The following LRBA variants were observed in gnomAD, a reference collection of about 807,000 sequenced individuals.
The protein encoded by LRBA is LPS responsive beige-like anchor protein, also known as lipopolysaccharide-responsive and beige-like anchor protein.
A neutral mutation model predicts 330.0 loss-of-function variants in LRBA; 176 were observed. The observed-to-expected ratio is 0.53, with a 90% confidence interval of 0.47 to 0.60. The LOEUF (loss-of-function observed/expected upper bound fraction) is 0.60, where lower values mean the gene tolerates loss of function less well. LRBA is among the 20% of genes least tolerant of loss of function. LRBA has a pLI of 0.00. For synonymous variants in LRBA, 1,230 were observed against 1,193.0 expected (o/e 1.03, Z -0.64); for missense variants, 3,259 against 3,444.8 (o/e 0.95, Z 1.35).
intron 40 of LRBA, among the ~76,000 whole-genome samples, chr4:150,506,486 A>T (rs1487991651): frequency 6.6e-6 from 1 of 152,250 alleles, no homozygotes; most frequent in Non-Finnish European, 1.5e-5. Context: ...CCACATGATT[A>T]TCTCAATAGA....
At chr4:150,669,892 A>G (rs1489884249) in intron 37 of LRBA, among the ~76,000 whole-genome samples, 1 of 152,076 alleles carries the variant, frequency 6.6e-6, no homozygotes, top group African/African-American at 2.4e-5. Flanking sequence ...TAAATGGAAG[A>G]TTTGTATTTT....
chr4:150,323,025 G>GTGTGTGTGTGTGTGTGTGTGTGTGTGTT (rs373782725), intron 49 of LRBA, among the ~76,000 whole-genome samples: 14 of 142,542 alleles, frequency 9.8e-5, no homozygotes, highest in African/African-American at 1.6e-4. Flanking sequence ...GTGTGTGTGT[G>GTGTGTGTGTGTGTGTGTGTGTGTGTGTT]GGGATGCATT....
chr4:150,751,184 T>C (rs1733484374), intron 35 of LRBA, among the ~76,000 whole-genome samples: 1 of 152,140 alleles, frequency 6.6e-6, no homozygotes, highest in Non-Finnish European at 1.5e-5. Context: ...CATCTAACCT[T>C]ACTTATTTAA....
chr4:150,405,400 C>A (rs183816467), intron 47 of LRBA, among the ~76,000 whole-genome samples: 109 of 152,234 alleles, frequency 7.2e-4, no homozygotes, highest in Non-Finnish European at 1.3e-3. Flanking sequence ...ATGGTGAAAA[C>A]CACTGGTATT....
chr4:150,935,870 T>C (rs1255481046), intron 2 of LRBA, among the ~76,000 whole-genome samples: 2 of 151,846 alleles, frequency 1.3e-5, no homozygotes, highest in African/African-American at 4.8e-5. Context: ...TCTTACAAAA[T>C]ATGCCAAAAT....
At chr4:150,539,897 T>C (rs1581620309) in intron 40 of LRBA, among the ~76,000 whole-genome samples, 1 of 152,246 alleles carries the variant, frequency 6.6e-6, no homozygotes, top group Admixed American at 6.5e-5. Flanking sequence ...GAGTATCAGT[T>C]CGTTAAACAT....
chr4:150,297,346 G>T (rs151027077), intron 53 of LRBA, among the ~76,000 whole-genome samples: 1 of 152,166 alleles, frequency 6.6e-6, no homozygotes, highest in Non-Finnish European at 1.5e-5. Context: ...ATACAGAGTT[G>T]TTTTGCTGGA....
intron 36 of LRBA, among the ~76,000 whole-genome samples, chr4:150,701,336 A>G (rs1785100971): frequency 6.6e-6 from 1 of 152,180 alleles, no homozygotes; most frequent in Admixed American, 6.5e-5. Flanking sequence ...ATACACTCTA[A>G]AATAACAAGC....
rs1241228593 is a variant in LRBA, at chr4:150,582,930, C to A, written c.6330+5118G>T. The A allele has an allele frequency of 4.3e-6, 6 of 1,397,322 alleles. No individual in the cohort carries two copies. In the Admixed American group the frequency reaches 6.9e-5, roughly 16 times the overall value. The allele number at this position is 1,397,322 out of a possible 1,614,324, so 86.6% of individuals were successfully genotyped here. ...AAGTAGGGCTTAACGGGGAGCGCACCGCCTCTTTCGAAAGCCGCTGGGCCA... is the reference window on the plus strand; with the variant it reads ...AAGTAGGGCTTAACGGGGAGCGCACAGCCTCTTTCGAAAGCCGCTGGGCCA... On this transcript the variant is annotated intron_variant, in intron 40 of 56. Coordinates refer to ENST00000651943, the MANE Select transcript of LRBA (RefSeq NM_001364905.1).
intron 2 of LRBA, among the ~76,000 whole-genome samples, chr4:151,000,548 G>A (rs1047918721): frequency 2.0e-5 from 3 of 152,174 alleles, no homozygotes; most frequent in Non-Finnish European, 4.4e-5. Flanking sequence ...CGTGGAGAGG[G>A]TAGTCACTTA....
rs779813038 is a variant in LRBA, at chr4:150,844,100, T to C, written c.4569A>G (p.Ile1523Met). ...ATGTGAAAGACATATTGTAACTTAC[T>C]ATGTCTCTGAAAACAACTGCCCTAA... ...NRLRAVVFRD[I>M]EDSKQAQFLA... Residue 1523 changes from isoleucine (I) to methionine (M), a missense_variant and splice_region_variant, in exon 28 of 57, where the codon ATA becomes ATG. Ile to Met is a conservative substitution (Grantham distance 10). Coordinates refer to ENST00000651943, the MANE Select transcript of LRBA (RefSeq NM_001364905.1). 3 of 1,578,696 alleles carry C rather than the reference T, an allele frequency of 1.9e-6. No homozygotes were observed. Among genetic ancestry groups the C allele is most frequent in the Non-Finnish European group, 2.6e-6 (3 of 1,149,440 alleles).
chr4:150,724,984 T>A (rs1432241375), intron 36 of LRBA, among the ~76,000 whole-genome samples: 1 of 149,390 alleles, frequency 6.7e-6, no homozygotes, highest in Non-Finnish European at 1.5e-5. Flanking sequence ...TGCATCAGAG[T>A]CATCAGAGTC....
intron 2 of LRBA, among the ~76,000 whole-genome samples, chr4:150,938,035 T>C (rs913645760): frequency 1.1e-4 from 17 of 150,246 alleles, no homozygotes; most frequent in Non-Finnish European, 3.0e-5. Context: ...GGAAACTTGC[T>C]AAATTTTTCC....
intron 34 of LRBA, among the ~76,000 whole-genome samples, chr4:150,794,947 C>T (rs561120603): frequency 1.3e-5 from 2 of 152,044 alleles, no homozygotes; most frequent in African/African-American, 2.4e-5. Flanking sequence ...GTTGAGTATC[C>T]GAAGGAATGA....
intron 37 of LRBA, among the ~76,000 whole-genome samples, chr4:150,673,073 A>T (rs571675001): frequency 5.3e-5 from 8 of 152,290 alleles, no homozygotes; most frequent in Non-Finnish European, 1.2e-4. Context: ...AACCAGTTGT[A>T]TACTCTTAAG....
In LRBA at chr4:150,310,351, G is replaced by A. The variant is rs1324307183; in HGVS notation, c.7727C>T (p.Thr2576Ile). The change falls in exon 52 of 57, where the codon ACT (threonine) becomes ATT (isoleucine). Residue 2576 changes from threonine (T) to isoleucine (I), a missense_variant. Thr to Ile is a moderately conservative substitution (Grantham distance 89). Coordinates refer to ENST00000651943, the MANE Select transcript of LRBA (RefSeq NM_001364905.1). ...SNTGMHRRQI[T>I]DLLDQSIQVH... ...TTGAATACTTTGGTCTAAAAGGTCAGTGATTTGCCTCCTGTGCATTCCTGT... is the reference window on the plus strand; with the variant it reads ...TTGAATACTTTGGTCTAAAAGGTCAATGATTTGCCTCCTGTGCATTCCTGT... 1.9e-6 allele frequency: 3 copies of A among 1,613,342 alleles called. No individual in the cohort carries two copies. Among genetic ancestry groups the A allele is most frequent in the African/African-American group, 2.7e-5 (2 of 74,904 alleles).
chr4:150,388,667 C>A (rs1186899700), intron 47 of LRBA, among the ~76,000 whole-genome samples: 1 of 152,086 alleles, frequency 6.6e-6, no homozygotes, highest in Admixed American at 6.5e-5. Context: ...CTGTTGGGAG[C>A]ATTAAGTGAG....
chr4:150,450,570 C>T (rs1443178002), intron 44 of LRBA, among the ~76,000 whole-genome samples: 1 of 152,110 alleles, frequency 6.6e-6, no homozygotes, highest in African/African-American at 2.4e-5. Context: ...GGATTTGGGC[C>T]CACCCTAATG....
At chr4:150,982,672 C>T (rs1367615936) in intron 2 of LRBA, among the ~76,000 whole-genome samples, 1 of 150,400 alleles carries the variant, frequency 6.6e-6, no homozygotes, top group Non-Finnish European at 1.5e-5. Flanking sequence ...TTTACCACCA[C>T]ATTTCCCCTT....
Sources: allele counts gnomAD v4.1 joint callset (sites outside exome capture counted in the v4.1 genomes callset), GRCh38; gene constraint gnomAD v4.1.1; transcripts MANE v1.5; gene names NCBI Gene and HGNC (gene_info 2026-07-23, HGNC 2026-07-21).